Variants in PHF6 observed in about 807,000 individuals in gnomAD.
The protein encoded by PHF6 is PHD-like zinc finger protein.
In PHF6, 7 loss-of-function variants were observed where a neutral mutation model predicts 34.0. The observed-to-expected ratio is 0.21, with a 90% CI of 0.12 to 0.39. The LOEUF (loss-of-function observed/expected upper bound fraction) is 0.39, where lower values mean the gene tolerates loss of function less well. Ranked by LOEUF, PHF6 falls within the 10% of genes least tolerant of loss-of-function variation. PHF6 has a pLI of 1.00. For synonymous variants in PHF6, 89 were observed against 88.4 expected, an observed-to-expected ratio of 1.01 and a Z score of -0.04; for missense variants, 128 against 262.8, an observed-to-expected ratio of 0.49 and a Z score of 3.55.
At chrX:134,389,286 C>T (rs2124214444) in intron 3 of PHF6, among the ~76,000 whole-genome samples, 1 of 111,101 alleles carries the variant, frequency 9.0e-6, no homozygotes, top group East Asian at 2.8e-4. Flanking sequence ...TGGGGCAGGC[C>T]TTTTTTGCGG....
chrX:134,413,332 T>C lies in PHF6; in HGVS notation c.419-159T>C, dbSNP rs182612414. On this transcript the variant is annotated intron_variant, in intron 5 of 10. Transcript: ENST00000370803. Reference sequence around the variant, plus strand: ...TTGTATTTGATTTTTATTGCATTTATCTGAAACATTGGGTGGCTTTATTGA... The same window carrying C: ...TTGTATTTGATTTTTATTGCATTTACCTGAAACATTGGGTGGCTTTATTGA... 6.2e-3 allele frequency among the ~76,000 whole-genome samples: 696 copies of C among 112,131 alleles called. 5 individuals carry two copies. Among genetic ancestry groups the C allele is most frequent in the African/African-American group, 0.021 (664 of 30,931 alleles).
At chrX:134,394,239 T>A (rs919351676) in intron 5 of PHF6, among the ~76,000 whole-genome samples, 4 of 110,102 alleles carry the variant, frequency 3.6e-5, no homozygotes, top group Non-Finnish European at 7.6e-5. Flanking sequence ...GTTCGAGCAA[T>A]TTTCCTGCCT....
intron 5 of PHF6, among the ~76,000 whole-genome samples, chrX:134,400,980 G>A (rs2077400621): frequency 8.9e-6 from 1 of 111,961 alleles, no homozygotes; most frequent in Admixed American, 9.5e-5. Context: ...AAACAAGAAA[G>A]CATCAGTGGA....
chrX:134,395,152 C>T (rs1186024394), intron 5 of PHF6, among the ~76,000 whole-genome samples: 1 of 111,959 alleles, frequency 8.9e-6, no homozygotes, highest in Non-Finnish European at 1.9e-5. Flanking sequence ...TGTGCTCGGC[C>T]AGCTGCGTGT....
chrX:134,406,117 T>A (rs1352940502), intron 5 of PHF6, among the ~76,000 whole-genome samples: 2 of 104,787 alleles, frequency 1.9e-5, no homozygotes, highest in African/African-American at 7.0e-5. Context: ...TTTCTTTTTT[T>A]TTTTACTCTG....
intron 5 of PHF6, among the ~76,000 whole-genome samples, chrX:134,394,641 C>G (rs1448879681): frequency 9.5e-6 from 1 of 105,678 alleles, no homozygotes; most frequent in Non-Finnish European, 1.9e-5. Context: ...CCCGGGTTCA[C>G]ATCATTCTCT....
At chrX:134,386,362 A>G (rs1371137697) in intron 3 of PHF6, among the ~76,000 whole-genome samples, 1 of 109,671 alleles carries the variant, frequency 9.1e-6, no homozygotes, top group African/African-American at 3.3e-5. Flanking sequence ...GAAAAGGGGC[A>G]GGGGTGAGGG....
At chrX:134,384,851 C>T (rs2077324647) in intron 3 of PHF6, among the ~76,000 whole-genome samples, 2 of 110,634 alleles carry the variant, frequency 1.8e-5, no homozygotes, top group Admixed American at 1.9e-4. Context: ...CGCGGTTTCA[C>T]CGTGTTAGCC....
chrX:134,389,055 A>G (rs182749213), intron 3 of PHF6, among the ~76,000 whole-genome samples: 4 of 112,005 alleles, frequency 3.6e-5, no homozygotes, highest in Non-Finnish European at 7.5e-5. Flanking sequence ...TTTTTCCAGT[A>G]TCCCTAATTT....
chrX:134,379,432 CTTTTTTTT>C (rs34099570), intron 3 of PHF6, among the ~76,000 whole-genome samples: 11 of 26,276 alleles, frequency 4.2e-4, no homozygotes, highest in Non-Finnish European at 5.2e-4. Context: ...CTTTTCTTTT[CTTTTTTTT>C]TTTTTTTTTT....
chrX:134,416,623 C>T lies in PHF6; in HGVS notation c.835-546C>T, dbSNP rs1441301633. On this transcript the variant is annotated intron_variant, in intron 8 of 10. Transcript: ENST00000370803. ...GTGATCTGCTTAACCTATCCTTTCT[C>T]AAACTTATTTGACTTGAAACCCCCT... Among the ~76,000 whole-genome samples, 3 of 112,037 alleles carry T rather than the reference C, an allele frequency of 2.7e-5. No homozygotes were observed. In the Admixed American group the frequency reaches 2.9e-4, roughly 11 times the overall value.
At chrX:134,417,913 A>G (rs2077478060) in intron 9 of PHF6, 1 of 112,080 alleles carries the variant, frequency 8.9e-6, no homozygotes, top group African/African-American at 3.3e-5. Context: ...CTTACAGTCT[A>G]TTGGGAGAGA....
chrX:134,386,454 A>G (rs1446771728), intron 3 of PHF6, among the ~76,000 whole-genome samples: 1 of 105,303 alleles, frequency 9.5e-6, no homozygotes, highest in African/African-American at 3.5e-5. Flanking sequence ...CTCTGTCGCC[A>G]GGCTGGAGTG....
Position 134,415,258 on chromosome X carries a change from T to C in PHF6, c.834+138T>C, listed in dbSNP as rs1163921054. 3 of 1,040,654 alleles carry C rather than the reference T, an allele frequency of 2.9e-6. No homozygotes were observed. In the East Asian group the frequency reaches 9.1e-5, roughly 32 times the overall value. 85.8% of individuals were successfully genotyped at this position (1,040,654 alleles called of 1,213,427 possible). A position where few individuals can be genotyped will look rare whatever the true frequency, so the allele number is the denominator to read the frequency against. ...AAAGCAAAGTATATATTTGACTTAT[T>C]TGTAATATAATAAAGGATGCTGATG... On this transcript the variant is annotated intron_variant, in intron 8 of 10. Transcript: ENST00000370803.
chrX:134,406,914 A>G (rs1245059416), intron 5 of PHF6, among the ~76,000 whole-genome samples: 1 of 112,456 alleles, frequency 8.9e-6, no homozygotes, highest in African/African-American at 3.2e-5. Flanking sequence ...AAAAGCAAAC[A>G]CTACTATCTG....
chrX:134,401,979 T>C (rs1039793380), intron 5 of PHF6, among the ~76,000 whole-genome samples: 15 of 61,053 alleles, frequency 2.5e-4, no homozygotes, highest in Non-Finnish European at 4.2e-4. Flanking sequence ...TTGTTTTTTG[T>C]TTGTTTGTTT....
intron 7 of PHF6, 31 bp from the exon 8 acceptor site, chrX:134,414,985 A>C: frequency 8.9e-7 from 1 of 1,117,798 alleles, no homozygotes; most frequent in Non-Finnish European, 1.2e-6. Context: ...AGGATTCTGA[A>C]TGTTAATTTT....
rs199723713 is a variant in PHF6, at chrX:134,401,974, TTTTGTTTG to T, written c.418+8046_418+8053del. On this transcript the variant is annotated intron_variant, in intron 5 of 10. Coordinates refer to ENST00000370803, the MANE Select transcript of PHF6 (RefSeq NM_001015877.2). ...CTTTAATATTCACTTATTGGTTGTT[TTTTGTTTG>T]TTTGTTTGTTTGTTTGTTTGTTTTT... Among the ~76,000 whole-genome samples the T allele has an allele frequency of 7.5e-4, 82 of 108,847 alleles. 2 individuals are homozygous for T. Among genetic ancestry groups the T allele is most frequent in the Admixed American group, 2.1e-3 (21 of 10,018 alleles). The allele number at this position is 108,847 out of a possible 115,157, so 94.5% of individuals were successfully genotyped here. A position where few individuals can be genotyped will look rare whatever the true frequency, so the allele number is the denominator to read the frequency against.
chrX:134,381,314 A>C (rs987522257), intron 3 of PHF6, among the ~76,000 whole-genome samples: 2 of 111,202 alleles, frequency 1.8e-5, no homozygotes, highest in African/African-American at 6.5e-5. Context: ...TCATTTTTAC[A>C]TGATGTGCTA....
Sources: gnomAD v4.1 joint callset for allele counts (sites outside exome capture counted in the v4.1 genomes callset) on GRCh38, gnomAD v4.1.1 for gene constraint, MANE v1.5 for transcripts, NCBI Gene and HGNC (gene_info 2026-07-23, HGNC 2026-07-21) for gene names.